The following RFXAP variants were observed in gnomAD, a reference collection of about 807,000 sequenced individuals.
RFXAP encodes regulatory factor X associated protein, also known as regulatory factor X-associated protein.
A neutral mutation model predicts 25.7 loss-of-function variants in RFXAP; 21 were observed. The ratio of observed to expected loss-of-function variants is 0.82; its 90% CI spans 0.58 to 1.18. The LOEUF (loss-of-function observed/expected upper bound fraction) is 1.18. RFXAP is among the 50% of genes most tolerant of loss of function. The pLI is 0.00. For synonymous variants in RFXAP, 161 were observed against 152.2 expected (o/e 1.06, Z -0.43); for missense variants, 333 against 363.0 (o/e 0.92, Z 0.67).
intron 1 of RFXAP, among the ~76,000 whole-genome samples, chr13:36,823,193 C>T (rs1399062652): frequency 3.3e-5 from 5 of 152,172 alleles, no homozygotes; most frequent in Admixed American, 1.3e-4. Context: ...TGTACTCAAA[C>T]GCAAGCAGTC....
intron 2 of RFXAP, among the ~76,000 whole-genome samples, chr13:36,826,855 G>A (rs9576120): frequency 0.097 from 14,684 of 151,988 alleles, 923 homozygotes; most frequent in East Asian, 0.3. Flanking sequence ...ATAAATTTAT[G>A]TAAGTATTTT....
In RFXAP at chr13:36,819,332, G is replaced by C; in HGVS notation, c.-26G>C. 1.6e-6 allele frequency: 2 copies of C among 1,251,642 alleles called. No individual in the cohort carries two copies. The highest frequency in any genetic ancestry group is 4.0e-5 in the South Asian group (1 of 25,268). 77.5% of individuals were successfully genotyped at this position (1,251,642 alleles called of 1,614,324 possible). A position where few individuals can be genotyped will look rare whatever the true frequency, so the allele number is the denominator to read the frequency against. The stretch of plus-strand genomic sequence containing the variant: ...AAGCAGGTGCTAAAAGCCCGGGGTC[G>C]TGGACCCCGGCCAGGTCTTAGCAGC... On this transcript the variant is annotated 5_prime_UTR_variant, in exon 1 of 3. Transcript: ENST00000255476.
Position 36,819,776 on chromosome 13 carries a change from C to T in RFXAP, c.419C>T (p.Thr140Ile), listed in dbSNP as rs2057955904. 6.4e-7 allele frequency: 1 copy of T among 1,568,684 alleles called. No homozygotes were observed. The highest frequency in any genetic ancestry group is 1.7e-4 in the Middle Eastern group (1 of 6,008). The change falls in exon 1 of 3, where the codon ACC (threonine) becomes ATC (isoleucine). Residue 140 changes from threonine (T) to isoleucine (I), a missense_variant. Coordinates refer to ENST00000255476, the MANE Select transcript of RFXAP (RefSeq NM_000538.4). ...RGSGGGSMSK[T>I]CTYEGCSETT... ...AGCGGTGGGGGCAGCATGAGCAAGA[C>T]CTGCACCTACGAAGGCTGCAGCGAG... is the stretch of plus-strand genomic sequence containing the variant.
chr13:36,826,030 G>T (rs983635665), intron 2 of RFXAP, among the ~76,000 whole-genome samples: 1 of 152,008 alleles, frequency 6.6e-6, no homozygotes, highest in Non-Finnish European at 1.5e-5. Flanking sequence ...AAAATTAGCC[G>T]AGTGTGATGG....
rs946397384 is a variant in RFXAP at position 36,819,737 on chromosome 13, C to T, written c.380C>T (p.Ala127Val). The change falls in exon 1 of 3, where the codon GCC becomes GTC. Residue 127 changes from alanine to valine, a missense_variant. Ala to Val is a moderately conservative substitution (Grantham distance 64). Transcript: ENST00000255476. ...HSGGEGSSGG[A>V]RRRGSGGGSM... ...GGGGGCGAGGGCAGCAGCGGGGGCG[C>T]CCGGAGGCGGGGCAGCGGTGGGGGC... is the stretch of plus-strand genomic sequence containing the variant. 6.4e-7 allele frequency: 1 copy of T among 1,552,000 alleles called. No individual in the cohort carries two copies.
chr13:36,819,411 G>T lies in RFXAP; in HGVS notation c.54G>T (p.Val18=), dbSNP rs770791539. The T allele has an allele frequency of 4.5e-6, 6 of 1,326,070 alleles. No individual in the cohort carries two copies. The highest frequency in any genetic ancestry group is 4.8e-6 in the Non-Finnish European group (5 of 1,044,712). The allele number at this position is 1,326,070 out of a possible 1,614,324, so 82.1% of individuals were successfully genotyped here. Residue 18 remains valine, a synonymous_variant, in exon 1 of 3, where the codon GTG becomes GTT. Coordinates refer to ENST00000255476, the MANE Select transcript of RFXAP (RefSeq NM_000538.4). ...CGGGGCCGGGCGCCGCCAGCGGCGT[G>T]CCCCACCCCGCGGCCCTAGCCCCGG... The part of the protein sequence containing the change: ...EGAGPGAASG[V]PHPAALAPAA...
intron 1 of RFXAP, among the ~76,000 whole-genome samples, chr13:36,823,818 G>A (rs894757659): frequency 1.3e-5 from 2 of 152,126 alleles, no homozygotes; most frequent in African/African-American, 4.8e-5. Context: ...ATTGACCTCT[G>A]CTGGTGGGAT....
Position 36,820,089 on chromosome 13 carries a change from GA to G in RFXAP, c.600+134del. On this transcript the variant is annotated intron_variant, in intron 1 of 2. Coordinates refer to ENST00000255476, the MANE Select transcript of RFXAP (RefSeq NM_000538.4). The stretch of plus-strand genomic sequence containing the variant: ...TTGCAGTGACTGGGTTAGTGGTTGA[GA>G]ATTAGAGTGTTTGCCCTAAATTAAA... The G allele has an allele frequency of 2.3e-6, 3 of 1,311,488 alleles. No individual in the cohort carries two copies. The South Asian group carries it at 4.0e-5, about 18-fold the overall frequency. 81.2% of individuals were successfully genotyped at this position (1,311,488 alleles called of 1,614,324 possible). A position where few individuals can be genotyped will look rare whatever the true frequency, so the allele number is the denominator to read the frequency against.
intron 1 of RFXAP, among the ~76,000 whole-genome samples, chr13:36,821,240 AAAT>A (rs1250442250): frequency 1.0e-3 from 109 of 107,046 alleles, no homozygotes; most frequent in African/African-American, 2.5e-3. Flanking sequence ...AAAAAAAAAA[AAAT>A]TTTTTTTAAC....
Position 36,828,104 on chromosome 13 carries a change from G to T in RFXAP, c.*351G>T, listed in dbSNP as rs1396109192. The stretch of plus-strand genomic sequence containing the variant: ...TAATCTTGACTCATCTAGCTCAGTG[G>T]TTCTCATCAAGGGTCAATTTGATTG... On this transcript the variant is annotated 3_prime_UTR_variant, in exon 3 of 3. Coordinates refer to ENST00000255476, the MANE Select transcript of RFXAP (RefSeq NM_000538.4). The T allele has an allele frequency of 4.1e-6, 1 of 243,820 alleles. No homozygotes were observed. The highest frequency in any genetic ancestry group is 5.3e-5 in the Admixed American group (1 of 18,784). 15.1% of individuals were successfully genotyped at this position (243,820 alleles called of 1,614,324 possible).
Position 36,819,273 on chromosome 13 carries a change from C to G in RFXAP, c.-85C>G, listed in dbSNP as rs1326213853. 8.4e-7 allele frequency: 1 copy of G among 1,191,752 alleles called. No homozygotes were observed. 73.8% of individuals were successfully genotyped at this position (1,191,752 alleles called of 1,614,324 possible). On this transcript the variant is annotated 5_prime_UTR_variant, in exon 1 of 3. Transcript: ENST00000255476. The stretch of plus-strand genomic sequence containing the variant: ...ATAGGCGCCTTTTACCCCAGCGTGT[C>G]CTGAGTCTTTGGTTCGCGAAGTGCC...
chr13:36,825,485 C>G lies in RFXAP; in HGVS notation c.658C>G (p.Arg220Gly), dbSNP rs528882868. The G allele has an allele frequency of 6.2e-7, 1 of 1,612,836 alleles. No individual in the cohort carries two copies. Among genetic ancestry groups the G allele is most frequent in the South Asian group, 1.1e-5 (1 of 91,044 alleles). ...VKQRTGSFGDRPARPTLLEQV... is the reference protein window; with the variant it reads ...VKQRTGSFGDGPARPTLLEQV... The stretch of plus-strand genomic sequence containing the variant: ...ACAAAGAACAGGATCTTTTGGGGAT[C>G]GTCCTGCAAGACCTACTCTTTTAGA... The change falls in exon 2 of 3, where the codon CGT becomes GGT. Residue 220 changes from arginine (R) to glycine (G), a missense_variant. Arg to Gly is a moderately radical substitution (Grantham distance 125). Transcript: ENST00000255476.
chr13:36,826,272 A>G (rs901876436), intron 2 of RFXAP, among the ~76,000 whole-genome samples: 1 of 152,210 alleles, frequency 6.6e-6, no homozygotes, highest in African/African-American at 2.4e-5. Context: ...AAATTCCTGT[A>G]ATTTGATGAG....
In RFXAP at chr13:36,819,431, C is replaced by A. The variant is rs1189293504; in HGVS notation, c.74C>A (p.Ala25Asp). The A allele has an allele frequency of 2.1e-6, 3 of 1,444,918 alleles. No individual in the cohort carries two copies. Among genetic ancestry groups the A allele is most frequent in the South Asian group, 1.5e-5 (1 of 66,780 alleles). The allele number at this position is 1,444,918 out of a possible 1,614,324, so 89.5% of individuals were successfully genotyped here. A position where few individuals can be genotyped will look rare whatever the true frequency, so the allele number is the denominator to read the frequency against. Residue 25 changes from alanine (A) to aspartate (D), a missense_variant, in exon 1 of 3, where the codon GCC becomes GAC. Coordinates refer to ENST00000255476, the MANE Select transcript of RFXAP (RefSeq NM_000538.4). ...GGCGTGCCCCACCCCGCGGCCCTAG[C>A]CCCGGCTGCGGCTCCCACCTTGGCG... ...ASGVPHPAAL[A>D]PAAAPTLAPA...
Position 36,819,500 on chromosome 13 carries a change from T to A in RFXAP, c.143T>A (p.Val48Glu). Residue 48 changes from valine (V) to glutamate (E), a missense_variant, in exon 1 of 3, where the codon GTG (valine) becomes GAG (glutamate). Val to Glu is a moderately radical substitution (Grantham distance 121). Coordinates refer to ENST00000255476, the MANE Select transcript of RFXAP (RefSeq NM_000538.4). ...GCGGCCTCTCAATTCACCCTGCTAG[T>A]GATGCAACCCTGTGCTGGGCAGGAC... ...AAAASQFTLL[V>E]MQPCAGQDEA... 6.4e-7 allele frequency: 1 copy of A among 1,552,554 alleles called. No homozygotes were observed. The highest frequency in any genetic ancestry group is 8.7e-7 in the Non-Finnish European group (1 of 1,148,514).
rs141085992 is a variant in RFXAP at position 36,825,637 on chromosome 13, A to G, written c.708+102A>G. ...GATTTTTAGCTCATGACATCACACT[A>G]TACATCAAAATAAATTCCTAATAAG... On this transcript the variant is annotated intron_variant, in intron 2 of 2. Transcript: ENST00000255476. 2.2e-3 allele frequency: 1,520 copies of G among 693,340 alleles called. 7 individuals are homozygous for G. Among genetic ancestry groups the G allele is most frequent in the Non-Finnish European group, 3.1e-3 (1,301 of 417,172 alleles). 42.9% of individuals were successfully genotyped at this position (693,340 alleles called of 1,614,324 possible). A position where few individuals can be genotyped will look rare whatever the true frequency, so the allele number is the denominator to read the frequency against.
intron 2 of RFXAP, among the ~76,000 whole-genome samples, chr13:36,827,158 A>G (rs975750370): frequency 3.9e-5 from 6 of 152,100 alleles, no homozygotes; most frequent in East Asian, 3.8e-4. Flanking sequence ...ATACACACCT[A>G]TACACACAAT....
intron 1 of RFXAP, among the ~76,000 whole-genome samples, chr13:36,822,699 A>G (rs1217462782): frequency 6.6e-6 from 1 of 152,168 alleles, no homozygotes; most frequent in Non-Finnish European, 1.5e-5. Flanking sequence ...TCACTATTTT[A>G]AAATAATTTG....
intron 1 of RFXAP, among the ~76,000 whole-genome samples, chr13:36,825,190 A>G (rs187302470): frequency 1.2e-4 from 18 of 152,306 alleles, no homozygotes; most frequent in African/African-American, 3.8e-4. Flanking sequence ...AGACCTGCCA[A>G]GAGACTAAAG....
Sources: allele counts gnomAD v4.1 joint callset (sites outside exome capture counted in the v4.1 genomes callset), GRCh38; gene constraint gnomAD v4.1.1; transcripts MANE v1.5; gene names NCBI Gene and HGNC (gene_info 2026-07-23, HGNC 2026-07-21).